CDH13: variants seen among roughly 807,000 people sequenced by gnomAD.
The protein encoded by CDH13 is cadherin 13, also known as cadherin-13.
A neutral mutation model predicts 63.8 loss-of-function variants in CDH13; 24 were observed. The ratio of observed to expected loss-of-function variants is 0.38; its 90% CI spans 0.27 to 0.53. CDH13 has a LOEUF of 0.53. CDH13 is among the 20% of genes least tolerant of loss of function. The pLI, the probability that CDH13 is intolerant of heterozygous loss-of-function variation, is 0.85. For missense variants in CDH13, 1,049 were observed against 903.1 expected (o/e 1.16, Z -2.07); for synonymous variants, 503 against 355.3 (o/e 1.42, Z -4.67).
intron 1 of CDH13, among the ~76,000 whole-genome samples, chr16:82,699,539 C>G (rs962211052): frequency 6.6e-6 from 1 of 152,218 alleles, no homozygotes; most frequent in Non-Finnish European, 1.5e-5. Flanking sequence ...CGTGTCATAA[C>G]TCTGCCTTCC....
At chr16:82,937,736 G>A (rs537632773) in intron 2 of CDH13, among the ~76,000 whole-genome samples, 17 of 152,144 alleles carry the variant, frequency 1.1e-4, no homozygotes, top group Non-Finnish European at 2.2e-4. Context: ...TGAATCAAGC[G>A]TCCATAATAT....
At chr16:83,249,257 G>T (rs1259170038) in intron 5 of CDH13, among the ~76,000 whole-genome samples, 1 of 152,178 alleles carries the variant, frequency 6.6e-6, no homozygotes. Flanking sequence ...GCACGCTTGA[G>T]CCAGCTCATA....
chr16:83,475,918 G>A (rs1023481738), intron 6 of CDH13, among the ~76,000 whole-genome samples: 1 of 152,070 alleles, frequency 6.6e-6, no homozygotes, highest in African/African-American at 2.4e-5. Flanking sequence ...AAATTGCTGC[G>A]CCTTTGCCCT....
chr16:83,481,055 C>G (rs768694952), intron 6 of CDH13, among the ~76,000 whole-genome samples: 14 of 152,206 alleles, frequency 9.2e-5, no homozygotes, highest in Admixed American at 7.2e-4. Flanking sequence ...TTAGAACTCA[C>G]TGCCTCCTCT....
chr16:82,852,404 C>T (rs920762102), intron 1 of CDH13, among the ~76,000 whole-genome samples: 3 of 152,170 alleles, frequency 2.0e-5, no homozygotes, highest in African/African-American at 7.2e-5. Context: ...TGATTCTGGG[C>T]TCTTTCTATT....
intron 7 of CDH13, among the ~76,000 whole-genome samples, chr16:83,573,178 T>G (rs1202797845): frequency 6.6e-6 from 1 of 152,166 alleles, no homozygotes; most frequent in Non-Finnish European, 1.5e-5. Flanking sequence ...GAAAGAACCT[T>G]GAATCATTGA....
intron 3 of CDH13, among the ~76,000 whole-genome samples, chr16:83,046,137 G>C (rs1364165765): frequency 6.6e-6 from 1 of 152,102 alleles, no homozygotes. Context: ...TTTTTTGATG[G>C]CTTCTAATAA....
chr16:83,075,583 G>T (rs2032777092), intron 3 of CDH13, among the ~76,000 whole-genome samples: 1 of 152,206 alleles, frequency 6.6e-6, no homozygotes, highest in Admixed American at 6.5e-5. Context: ...CTCTCATCAT[G>T]TTTGGATTCA....
intron 8 of CDH13, among the ~76,000 whole-genome samples, chr16:83,613,632 A>C (rs577116943): frequency 4.1e-4 from 63 of 152,222 alleles, no homozygotes; most frequent in African/African-American, 1.5e-3. Context: ...GGAGTTCAAC[A>C]CCAGCCTGGC....
chr16:83,251,834 A>G (rs1905573746), intron 5 of CDH13, among the ~76,000 whole-genome samples: 1 of 152,088 alleles, frequency 6.6e-6, no homozygotes, highest in Non-Finnish European at 1.5e-5. Flanking sequence ...CAGAGGTAGC[A>G]GGGCTGGGTC....
intron 2 of CDH13, among the ~76,000 whole-genome samples, chr16:82,966,294 G>C (rs577749736): frequency 6.6e-6 from 1 of 151,870 alleles, no homozygotes; most frequent in Non-Finnish European, 1.5e-5. Flanking sequence ...GACTACAGGC[G>C]CCCGCCACCA....
chr16:82,823,848 A>C (rs987183896), intron 1 of CDH13: 1 of 152,176 alleles, frequency 6.6e-6, no homozygotes, highest in Admixed American at 6.5e-5. Context: ...GGGATTATAC[A>C]TATGAATTTA....
chr16:82,855,492 C>G (rs1255097715), intron 1 of CDH13, among the ~76,000 whole-genome samples: 2 of 152,184 alleles, frequency 1.3e-5, no homozygotes, highest in African/African-American at 4.8e-5. Flanking sequence ...GGAGGAGACC[C>G]TTGACCATTT....
chr16:82,944,683 C>G (rs1309302435), intron 2 of CDH13, among the ~76,000 whole-genome samples: 2 of 152,082 alleles, frequency 1.3e-5, no homozygotes, highest in South Asian at 2.1e-4. Context: ...GTTGAGAAAC[C>G]CTGGGTACCT....
intron 2 of CDH13, among the ~76,000 whole-genome samples, chr16:82,924,968 T>C (rs2042260151): frequency 6.6e-6 from 1 of 152,208 alleles, no homozygotes; most frequent in South Asian, 2.1e-4. Context: ...CTTAAAAACT[T>C]CGCATGAGAC....
intron 1 of CDH13, among the ~76,000 whole-genome samples, chr16:82,827,423 C>T (rs1017557101): frequency 1.3e-5 from 2 of 152,154 alleles, no homozygotes; most frequent in African/African-American, 4.8e-5. Context: ...GCCAGAGGTT[C>T]TGAACAAAGA....
intron 8 of CDH13, among the ~76,000 whole-genome samples, chr16:83,603,770 T>C (rs1404583654): frequency 6.6e-6 from 1 of 152,166 alleles, no homozygotes; most frequent in African/African-American, 2.4e-5. Flanking sequence ...TATAAAGAAC[T>C]ACCTAAGACT....
At chr16:82,965,644 C>T (rs546878397) in intron 2 of CDH13, among the ~76,000 whole-genome samples, 33 of 152,226 alleles carry the variant, frequency 2.2e-4, no homozygotes, top group African/African-American at 7.9e-4. Flanking sequence ...GATTCTCCTG[C>T]CATGGCCAGT....
chr16:82,754,477 T>G (rs1278119954), intron 1 of CDH13, among the ~76,000 whole-genome samples: 1 of 152,146 alleles, frequency 6.6e-6, no homozygotes, highest in Non-Finnish European at 1.5e-5. Context: ...CTTCCTATTT[T>G]CTAGAAAAGG....
Sources: allele counts gnomAD v4.1 joint callset (sites outside exome capture counted in the v4.1 genomes callset), GRCh38; gene constraint gnomAD v4.1.1; transcripts MANE v1.5; gene names NCBI Gene and HGNC (gene_info 2026-07-23, HGNC 2026-07-21).